VPS45: variants seen among roughly 807,000 people sequenced by gnomAD.
VPS45 encodes vacuolar protein sorting-associated protein 45.
VPS45 carries 35 observed loss-of-function variants against 75.9 expected under a neutral mutation model. The observed-to-expected ratio is 0.46, with a 90% confidence interval of 0.35 to 0.61. The LOEUF is 0.61. Ranked by LOEUF, VPS45 falls within the 20% of genes least tolerant of loss-of-function variation. The pLI is 0.00. For synonymous variants in VPS45, 220 were observed against 238.2 expected (o/e 0.92, Z 0.70); for missense variants, 559 against 685.9 (o/e 0.81, Z 2.07).
In VPS45 at chr1:150,131,432, A is replaced by G. The variant is rs186558333; in HGVS notation, c.1626-13277A>G. Among the ~76,000 whole-genome samples, 1,362 of 152,144 alleles carry G rather than the reference A, an allele frequency of 9.0e-3. 19 individuals carry two copies. The highest frequency in any genetic ancestry group is 0.031 in the Middle Eastern group (9 of 294). Reference sequence around the variant, plus strand: ...CTGAGGCAGGAGAATCATCGCTTGAACTTGGGAGGCAGAGGTTGCAGTGAG... The same window carrying G: ...CTGAGGCAGGAGAATCATCGCTTGAGCTTGGGAGGCAGAGGTTGCAGTGAG... On this transcript the variant is annotated intron_variant, in intron 14 of 14. Coordinates refer to ENST00000644510, the MANE Select transcript of VPS45 (RefSeq NM_007259.5).
intron 2 of VPS45, among the ~76,000 whole-genome samples, chr1:150,070,246 AGATAT>A (rs1422474010): frequency 6.6e-6 from 1 of 152,200 alleles, no homozygotes; most frequent in Non-Finnish European, 1.5e-5. Flanking sequence ...CCATGAAAAC[AGATAT>A]GATATCTGTT....
chr1:150,099,027 C>G, intron 13 of VPS45: 1 of 1,094,704 alleles, frequency 9.1e-7, no homozygotes, highest in Non-Finnish European at 1.1e-6. Context: ...AGCAGCAGTC[C>G]TTTTTCATTG....
intron 12 of VPS45, among the ~76,000 whole-genome samples, chr1:150,092,816 A>C (rs1553802242): frequency 6.7e-6 from 1 of 148,622 alleles, no homozygotes; most frequent in African/African-American, 2.5e-5. Context: ...CTCAAAAATT[A>C]ATTCTAATCT....
chr1:150,143,457 A>G (rs1659503252), intron 14 of VPS45, among the ~76,000 whole-genome samples: 1 of 152,164 alleles, frequency 6.6e-6, no homozygotes, highest in Admixed American at 6.6e-5. Context: ...GCATGGTAGT[A>G]TATGCCTGTA....
At chr1:150,102,235 CA>C (rs1208831311) in intron 13 of VPS45, among the ~76,000 whole-genome samples, 13 of 94,702 alleles carry the variant, frequency 1.4e-4, no homozygotes, top group Non-Finnish European at 1.9e-4. Context: ...GAGACTCCGT[CA>C]AAAAAAAAAA....
chr1:150,137,864 G>A lies in VPS45; in HGVS notation c.1626-6845G>A, dbSNP rs942289095. Among the ~76,000 whole-genome samples, 14 of 138,670 alleles carry A rather than the reference G, an allele frequency of 1.0e-4. 1 individual carries two copies. Among genetic ancestry groups the A allele is most frequent in the African/African-American group, 3.6e-4 (13 of 36,486 alleles). 91.0% of individuals were successfully genotyped at this position (138,670 alleles called of 152,430 possible). A position where few individuals can be genotyped will look rare whatever the true frequency, so the allele number is the denominator to read the frequency against. On this transcript the variant is annotated intron_variant, in intron 14 of 14. Coordinates refer to ENST00000644510, the MANE Select transcript of VPS45 (RefSeq NM_007259.5). ...CGGGAGGTGGAGGTTGCAGTGAGCCGAGATTGTGCCACTGCACTCCAGCCT... is the reference window on the plus strand; with the variant it reads ...CGGGAGGTGGAGGTTGCAGTGAGCCAAGATTGTGCCACTGCACTCCAGCCT...
chr1:150,086,931 A>C (rs1295452650), intron 10 of VPS45, among the ~76,000 whole-genome samples: 1 of 150,510 alleles, frequency 6.6e-6, no homozygotes, highest in Non-Finnish European at 1.5e-5. Flanking sequence ...AATATAGTAG[A>C]TAACAAAGAA....
intron 1 of VPS45, 94 bp downstream of exon 1, chr1:150,068,044 C>T: frequency 7.7e-7 from 1 of 1,300,442 alleles, no homozygotes; most frequent in Non-Finnish European, 1.1e-6. Context: ...TTTAATTAAA[C>T]ATACGAAAAT....
At chr1:150,076,405 AAG>A in intron 4 of VPS45, 93 bp downstream of exon 4, 1 of 995,256 alleles carries the variant, frequency 1.0e-6, no homozygotes. Flanking sequence ...TCTGTCTCAA[AAG>A]AAGTTTTATT....
At chr1:150,100,436 C>G (rs1417303373) in intron 13 of VPS45, among the ~76,000 whole-genome samples, 2 of 152,118 alleles carry the variant, frequency 1.3e-5, no homozygotes, top group African/African-American at 4.8e-5. Flanking sequence ...CAGTGCTATT[C>G]CTATCTAACT....
chr1:150,092,088 A>C lies in VPS45; in HGVS notation c.1256A>C (p.Tyr419Ser). The C allele has an allele frequency of 6.2e-7, 1 of 1,613,208 alleles. No individual in the cohort carries two copies. The highest frequency in any genetic ancestry group is 8.5e-7 in the Non-Finnish European group (1 of 1,179,596). Residue 419 changes from tyrosine (Y) to serine (S), a missense_variant, in exon 11 of 15, where the codon TAT (tyrosine) becomes TCT (serine). Tyr to Ser is a moderately radical substitution (Grantham distance 144, BLOSUM62 -2). Coordinates refer to ENST00000644510, the MANE Select transcript of VPS45 (RefSeq NM_007259.5). ...AGGAATAAAGGTGTTTCTGAGAAGT[A>C]TCGAAAGGTAACCAGTTTCCATATT... ...DLRNKGVSEK[Y>S]RKLVSAVVEY... is the part of the protein sequence containing the mutation.
At chr1:150,069,451 T>G (rs1553796521) in intron 2 of VPS45, among the ~76,000 whole-genome samples, 1 of 135,662 alleles carries the variant, frequency 7.4e-6, no homozygotes, top group Non-Finnish European at 1.5e-5. Flanking sequence ...TTAATCTTAT[T>G]TGTTACACTT....
At chr1:150,090,277 C>T (rs781869411) in intron 10 of VPS45, among the ~76,000 whole-genome samples, 3 of 152,294 alleles carry the variant, frequency 2.0e-5, no homozygotes, top group East Asian at 3.9e-4. Context: ...TCTTCAGGAC[C>T]TTTGGCAAGT....
intron 7 of VPS45, 28 bp downstream of exon 7, chr1:150,077,807 A>G: frequency 6.5e-7 from 1 of 1,536,270 alleles, no homozygotes; most frequent in South Asian, 1.1e-5. Flanking sequence ...GGCATAATAG[A>G]AGGATAATTT....
At chr1:150,127,299 T>G (rs1218288169) in intron 14 of VPS45, among the ~76,000 whole-genome samples, 3 of 148,832 alleles carry the variant, frequency 2.0e-5, no homozygotes, top group Non-Finnish European at 4.4e-5. Flanking sequence ...TTGTTAATTC[T>G]CATAATGACT....
At chr1:150,130,589 T>C (rs1658782395) in intron 14 of VPS45, among the ~76,000 whole-genome samples, 1 of 152,214 alleles carries the variant, frequency 6.6e-6, no homozygotes, top group African/African-American at 2.4e-5. Context: ...AATTATATTC[T>C]ATTAAGTGTA....
chr1:150,141,367 G>A (rs954439187), intron 14 of VPS45, among the ~76,000 whole-genome samples: 9 of 152,176 alleles, frequency 5.9e-5, no homozygotes, highest in Non-Finnish European at 1.2e-4. Flanking sequence ...AGTGAAAAAG[G>A]AGGAAGACAT....
chr1:150,137,896 CAG>C (rs1659193893), intron 14 of VPS45, among the ~76,000 whole-genome samples: 1 of 113,250 alleles, frequency 8.8e-6, no homozygotes, highest in Admixed American at 1.4e-4. Context: ...GCCTAGGCGA[CAG>C]AGTGAGACTC....
At chr1:150,093,715 G>A (rs1656472723) in intron 13 of VPS45, 67 bp downstream of exon 13, 6 of 1,558,562 alleles carry the variant, frequency 3.8e-6, no homozygotes, top group Non-Finnish European at 5.2e-6. Context: ...TTAGAGTAAT[G>A]TTAAGGACTA....
Sources: gnomAD v4.1 joint callset for allele counts (sites outside exome capture counted in the v4.1 genomes callset) on GRCh38, gnomAD v4.1.1 for gene constraint, MANE v1.5 for transcripts, NCBI Gene and HGNC (gene_info 2026-07-23, HGNC 2026-07-21) for gene names.